ECE1: variants seen among roughly 807,000 people sequenced by gnomAD.
The protein encoded by ECE1 is endothelin-converting enzyme 1.
A neutral mutation model predicts 98.6 loss-of-function variants in ECE1; 35 were observed. The ratio of observed to expected loss-of-function variants is 0.35; its 90% CI spans 0.27 to 0.47. The LOEUF is 0.47. ECE1 is among the 20% of genes least tolerant of loss of function. ECE1 has a pLI of 1.00. For synonymous variants in ECE1, 394 were observed against 407.1 expected (o/e 0.97, Z 0.39); for missense variants, 814 against 1,025.3 (o/e 0.79, Z 2.81).
At chr1:21,249,722 A>G (rs1558386197) in intron 8 of ECE1, among the ~76,000 whole-genome samples, 1 of 152,068 alleles carries the variant, frequency 6.6e-6, no homozygotes, top group Non-Finnish European at 1.5e-5. Flanking sequence ...CAGTCCATTC[A>G]CACTGCAGTG....
chr1:21,239,103 G>C (rs1250445906), intron 10 of ECE1, among the ~76,000 whole-genome samples: 1 of 151,858 alleles, frequency 6.6e-6, no homozygotes, highest in Non-Finnish European at 1.5e-5. Context: ...AGAGTGCTGA[G>C]ATTACAGGCG....
In ECE1 at chr1:21,249,608, G is replaced by A. The variant is rs542397856; in HGVS notation, c.1021-2245C>T. 7.2e-5 allele frequency among the ~76,000 whole-genome samples: 11 copies of A among 152,188 alleles called. 1 individual carries two copies. The East Asian group carries it at 1.5e-3, about 21-fold the overall frequency. ...CAGGTGGGAGAATTGCTTGAGCCTG[G>A]GAGGTCGAGGCTGCAGTGAGCTGAA... On this transcript the variant is annotated intron_variant, in intron 8 of 18. Coordinates refer to ENST00000374893, the MANE Select transcript of ECE1 (RefSeq NM_001397.3).
intron 11 of ECE1, among the ~76,000 whole-genome samples, chr1:21,237,367 G>T (rs1392973835): frequency 1.3e-5 from 2 of 152,144 alleles, no homozygotes; most frequent in African/African-American, 4.8e-5. Flanking sequence ...AAAGTTGAAG[G>T]TTCTAGAGAA....
intron 1 of ECE1, chr1:21,298,022 T>G (rs79537438): frequency 3.9e-4 from 60 of 152,346 alleles, no homozygotes; most frequent in African/African-American, 1.4e-3. Context: ...ACATTTTTTT[T>G]GTAGAGACAA....
At chr1:21,326,810 C>T (rs927336666) in intron 1 of ECE1, among the ~76,000 whole-genome samples, 1 of 152,250 alleles carries the variant, frequency 6.6e-6, no homozygotes, top group Admixed American at 6.5e-5. Flanking sequence ...GGAAGCAGCT[C>T]CCCGCTGCTG....
chr1:21,238,647 C>T (rs564737047), intron 10 of ECE1, among the ~76,000 whole-genome samples: 1 of 152,250 alleles, frequency 6.6e-6, no homozygotes, highest in East Asian at 1.9e-4. Context: ...CTACCTACCC[C>T]CATCTCGTCC....
intron 1 of ECE1, among the ~76,000 whole-genome samples, chr1:21,308,346 G>A (rs1366526199): frequency 6.6e-6 from 1 of 152,024 alleles, no homozygotes; most frequent in Non-Finnish European, 1.5e-5. Flanking sequence ...CCCCCACCCC[G>A]GAGACCACCT....
intron 2 of ECE1, among the ~76,000 whole-genome samples, chr1:21,288,096 C>T (rs980405651): frequency 1.3e-5 from 2 of 152,224 alleles, no homozygotes; most frequent in African/African-American, 4.8e-5. Context: ...TGTGGCAACA[C>T]CACACAAGCC....
chr1:21,244,066 T>C (rs371133520), intron 10 of ECE1, among the ~76,000 whole-genome samples: 4 of 152,172 alleles, frequency 2.6e-5, no homozygotes, highest in African/African-American at 9.7e-5. Context: ...TGGGAAGGGC[T>C]GCAGGAGTGG....
rs879441797 is a variant in ECE1, at chr1:21,300,440, C to CT, written c.4-10285dup. Reference sequence around the variant, plus strand: ...GCAACGGAAAGACTGCCCTGAATGACTTTTTTTTTTTTGAGACAGAGTCTT... The same window carrying CT: ...GCAACGGAAAGACTGCCCTGAATGACTTTTTTTTTTTTTGAGACAGAGTCTT... On this transcript the variant is annotated intron_variant, in intron 1 of 18. Coordinates refer to the ECE1 transcript ENST00000415912. 2.5e-3 allele frequency among the ~76,000 whole-genome samples: 373 copies of CT among 147,132 alleles called. 4 individuals are homozygous for CT. Among genetic ancestry groups the CT allele is most frequent in the East Asian group, 0.018 (93 of 5,056 alleles).
rs28367939 is a variant in ECE1, at chr1:21,279,102, G to A, written c.280+89C>T. The A allele has an allele frequency of 5.7e-4, 916 of 1,606,712 alleles. 9 individuals carry two copies. The East Asian group carries it at 0.01, about 18-fold the overall frequency. Reference sequence around the variant, plus strand: ...CTCCTTAGCCTCAGAGCCCTGCCCCGGCTTAAGCAGGGAAGCCCCCCTCGC... The same window carrying A: ...CTCCTTAGCCTCAGAGCCCTGCCCCAGCTTAAGCAGGGAAGCCCCCCTCGC... On this transcript the variant is annotated intron_variant, in intron 3 of 18. Coordinates refer to ENST00000374893, the MANE Select transcript of ECE1 (RefSeq NM_001397.3).
At chr1:21,302,708 T>G (rs1232144469) in intron 1 of ECE1, among the ~76,000 whole-genome samples, 2 of 152,124 alleles carry the variant, frequency 1.3e-5, no homozygotes, top group African/African-American at 4.8e-5. Flanking sequence ...TCAAGCCGAG[T>G]GCTCCCTGGG....
At position 21,340,368 on chromosome 1, in the gene ECE1, G is replaced by A. The variant is rs1053412163; in HGVS notation, c.3+5008C>T. On this transcript the variant is annotated intron_variant, in intron 1 of 18. Transcript: ENST00000415912. The surrounding 1 kb of genome is among the most constrained non-coding windows in gnomAD (Gnocchi z 4.6). ...CTCTGGGCAGCATGCCAGGGGCGTG[G>A]TTTGGGCTAGAGGAGGACTGGATGG... Among the ~76,000 whole-genome samples the A allele has an allele frequency of 6.6e-6, 1 of 152,242 alleles. No homozygotes were observed. Among genetic ancestry groups the A allele is most frequent in the African/African-American group, 2.4e-5 (1 of 41,470 alleles).
At chr1:21,291,001 T>C (rs1381290720), upstream of ECE1, among the ~76,000 whole-genome samples, 1 of 152,094 alleles carries the variant, frequency 6.6e-6, no homozygotes, top group Non-Finnish European at 1.5e-5. Flanking sequence ...GGTGGTCCGG[T>C]GGTCACCCCC....
At position 21,255,870 on chromosome 1, in the gene ECE1, T is replaced by C. The variant is rs1487156104; in HGVS notation, c.1020+77A>G. ...TTTCAAGGACTAGATGAAATGAGTA[T>C]AAAAGCCCCCAGTCCAGGGCCCTGT... is the stretch of plus-strand genomic sequence containing the variant. On this transcript the variant is annotated intron_variant, in intron 8 of 18. Coordinates refer to ENST00000374893, the MANE Select transcript of ECE1 (RefSeq NM_001397.3). 7 of 1,482,156 alleles carry C rather than the reference T, an allele frequency of 4.7e-6. No individual in the cohort carries two copies. The African/African-American group carries it at 5.5e-5, about 12-fold the overall frequency. The allele number at this position is 1,482,156 out of a possible 1,614,324, so 91.8% of individuals were successfully genotyped here.
intron 1 of ECE1, among the ~76,000 whole-genome samples, chr1:21,332,935 G>A (rs1446434331): frequency 6.6e-6 from 1 of 152,060 alleles, no homozygotes; most frequent in Non-Finnish European, 1.5e-5. Context: ...TACAATATTA[G>A]TGCCATCCAA....
At chr1:21,279,811 C>A in intron 2 of ECE1, 1 of 740,604 alleles carries the variant, frequency 1.4e-6, no homozygotes, top group Non-Finnish European at 1.7e-6. Context: ...CATAATCCCA[C>A]GCAAAAACAC....
At chr1:21,294,062 A>T (rs1638280887), upstream of ECE1, 1 of 152,540 alleles carries the variant, frequency 6.6e-6, no homozygotes, top group African/African-American at 2.4e-5. This position sits in a 1 kb window ranked among gnomAD's most constrained non-coding sequence, Gnocchi z 4.2. Flanking sequence ...CATAATGCGA[A>T]TCTTCCCCTT....
chr1:21,260,185 G>A lies in ECE1; in HGVS notation c.615+86C>T. 6.3e-7 allele frequency: 1 copy of A among 1,593,686 alleles called. No homozygotes were observed. On this transcript the variant is annotated intron_variant, in intron 5 of 18. Coordinates refer to ENST00000374893, the MANE Select transcript of ECE1 (RefSeq NM_001397.3). This position sits in a 1 kb window ranked among gnomAD's most constrained non-coding sequence, Gnocchi z 4.3. ...CCGGCTGGACGTATGAGGTGGGCCA[G>A]TGGTACCAGAAGGCTGGAGTGGAAG...
Sources: gnomAD v4.1 joint callset for allele counts (sites outside exome capture counted in the v4.1 genomes callset) on GRCh38, gnomAD v4.1.1 for gene constraint, Gnocchi (gnomAD v3.1) non-coding constraint, MANE v1.5 for transcripts, NCBI Gene and HGNC (gene_info 2026-07-23, HGNC 2026-07-21) for gene names.